MICU1: variants seen among roughly 807,000 people sequenced by gnomAD.
The protein encoded by MICU1 is mitochondrial calcium uptake 1.
Under a neutral mutation model 56.8 loss-of-function variants are expected in MICU1, and 45 were observed. The ratio of observed to expected loss-of-function variants is 0.79; its 90% CI spans 0.62 to 1.02. The LOEUF is 1.02. MICU1 is among the 50% of genes least tolerant of loss of function. MICU1 has a pLI of 0.00. For missense variants in MICU1, 504 were observed against 587.1 expected, an observed-to-expected ratio of 0.86 and a Z score of 1.46; for synonymous variants, 186 against 195.1, an observed-to-expected ratio of 0.95 and a Z score of 0.39.
chr10:72,572,022 A>C (rs536727518), intron 1 of MICU1, among the ~76,000 whole-genome samples: 13 of 152,180 alleles, frequency 8.5e-5, no homozygotes, highest in East Asian at 1.9e-4. Flanking sequence ...TAAAAAAAAA[A>C]AAACAAACAC....
At chr10:72,614,838 G>A (rs1392587006) in intron 1 of MICU1, among the ~76,000 whole-genome samples, 1 of 152,182 alleles carries the variant, frequency 6.6e-6, no homozygotes, top group African/African-American at 2.4e-5. Flanking sequence ...ATGAATGCTA[G>A]TGATGGTTGT....
At chr10:72,578,513 C>A (rs1840811660) in intron 1 of MICU1, among the ~76,000 whole-genome samples, 1 of 150,950 alleles carries the variant, frequency 6.6e-6, no homozygotes, top group Admixed American at 6.6e-5. Flanking sequence ...GATCTGCCTG[C>A]CTCAGCTTCC....
Position 72,423,263 on chromosome 10 carries a change from G to A in MICU1, c.1042C>T (p.Gln348Ter), listed in dbSNP as rs1135401814. The A allele has an allele frequency of 1.2e-6, 2 of 1,613,852 alleles. No individual in the cohort carries two copies. Among genetic ancestry groups the A allele is most frequent in the Non-Finnish European group, 1.7e-6 (2 of 1,179,830 alleles). The change falls in exon 9 of 12, where the codon CAG becomes TAG. Residue 348 changes from glutamine to a stop codon, truncating the protein, a stop_gained. Transcript: ENST00000361114. LOFTEE classifies it high-confidence loss of function. ...CCTTCTTTGAAGTGCTTCTTGAGCT[G>A]CCTCTGCATGGCGGTCAGCTTCTTG... ...QSKKLTAMQR[Q>*]LKKHFKEGKG...
At chr10:72,504,962 C>CATTATT (rs147881283) in intron 6 of MICU1, among the ~76,000 whole-genome samples, 60 of 149,968 alleles carry the variant, frequency 4.0e-4, no homozygotes, top group African/African-American at 1.3e-3. Context: ...CTATTATTAT[C>CATTATT]ATTATTATTA....
At chr10:72,508,881 T>C (rs1280383238) in intron 5 of MICU1, among the ~76,000 whole-genome samples, 2 of 152,204 alleles carry the variant, frequency 1.3e-5, no homozygotes, top group African/African-American at 2.4e-5. Flanking sequence ...TTTAATCATA[T>C]CTACTGTTAC....
chr10:72,389,822 A>C (rs1187070715), intron 10 of MICU1, among the ~76,000 whole-genome samples: 1 of 152,158 alleles, frequency 6.6e-6, no homozygotes, highest in African/African-American at 2.4e-5. Context: ...ATAATTTCTA[A>C]CTTTTTCATC....
rs557269580 is a variant in MICU1 at position 72,625,655 on chromosome 10, C to T, written c.-2+355G>A. Among the ~76,000 whole-genome samples, 4 of 152,336 alleles carry T rather than the reference C, an allele frequency of 2.6e-5. No individual in the cohort carries two copies. In the South Asian group the frequency reaches 8.3e-4, roughly 32 times the overall value. The stretch of plus-strand genomic sequence containing the variant: ...CCACTTCTAACCACATCCACAAATT[C>T]CAGGAGAGCCAGTCAAGGCTACCAG... On this transcript the variant is annotated intron_variant, in intron 1 of 11. Coordinates refer to ENST00000361114, the MANE Select transcript of MICU1 (RefSeq NM_001195518.2).
At chr10:72,508,034 CTTATAATTCA>C (rs1339059380) in intron 6 of MICU1, 111 bp downstream of exon 6, 6 of 500,624 alleles carry the variant, frequency 1.2e-5, no homozygotes, top group African/African-American at 7.9e-5. Context: ...TTTTATGTAA[CTTATAATTCA>C]TTATAATTCA....
At chr10:72,565,126 C>CAA (rs869255991) in intron 2 of MICU1, among the ~76,000 whole-genome samples, 22 of 98,070 alleles carry the variant, frequency 2.2e-4, no homozygotes, top group African/African-American at 5.9e-4. Context: ...ACTAAAAATA[C>CAA]AAAAAAAAAA....
At chr10:72,561,743 G>A (rs187878851) in intron 3 of MICU1, among the ~76,000 whole-genome samples, 13 of 152,178 alleles carry the variant, frequency 8.5e-5, no homozygotes, top group African/African-American at 2.9e-4. Flanking sequence ...CCCAGGAAGC[G>A]GAGGTTACAG....
intron 1 of MICU1, among the ~76,000 whole-genome samples, chr10:72,578,791 G>C (rs1465070482): frequency 6.6e-6 from 1 of 152,048 alleles, no homozygotes; most frequent in African/African-American, 2.4e-5. Flanking sequence ...CATTTTTAGT[G>C]GGACGGGGTT....
chr10:72,534,414 G>C (rs1421092276), intron 4 of MICU1, among the ~76,000 whole-genome samples: 2 of 152,102 alleles, frequency 1.3e-5, no homozygotes, highest in Non-Finnish European at 2.9e-5. Flanking sequence ...ATTTAGAACA[G>C]TGCTTGATCA....
At chr10:72,469,633 G>T (rs562224200) in intron 8 of MICU1, among the ~76,000 whole-genome samples, 3 of 152,166 alleles carry the variant, frequency 2.0e-5, no homozygotes, top group African/African-American at 7.2e-5. Context: ...ATACTAGGTG[G>T]CAGTGGGTAT....
At chr10:72,543,363 G>T in intron 4 of MICU1, among the ~76,000 whole-genome samples, 1 of 152,008 alleles carries the variant, frequency 6.6e-6, no homozygotes, top group East Asian at 1.9e-4. Context: ...TGCTCTAAGG[G>T]GCCAGGCATG....
At chr10:72,485,553 T>TA (rs1297196197) in intron 6 of MICU1, among the ~76,000 whole-genome samples, 77 of 140,484 alleles carry the variant, frequency 5.5e-4, no homozygotes, top group East Asian at 8.1e-4. Flanking sequence ...CGTTTCCAGT[T>TA]AAAAAAAAAA....
chr10:72,540,153 G>A (rs1173584875), intron 4 of MICU1, among the ~76,000 whole-genome samples: 1 of 151,730 alleles, frequency 6.6e-6, no homozygotes, highest in Non-Finnish European at 1.5e-5. Context: ...TGTAATCCCA[G>A]CTACTTGGGA....
At chr10:72,445,029 C>T (rs911130709) in intron 8 of MICU1, among the ~76,000 whole-genome samples, 2 of 152,150 alleles carry the variant, frequency 1.3e-5, no homozygotes, top group African/African-American at 4.8e-5. Flanking sequence ...AGGCTGTGGG[C>T]TCTGCTACAA....
At chr10:72,465,466 C>A (rs1324899632) in intron 8 of MICU1, among the ~76,000 whole-genome samples, 3 of 149,644 alleles carry the variant, frequency 2.0e-5, no homozygotes, top group African/African-American at 7.4e-5. Context: ...AGTACTGAAC[C>A]CATTTGCCGT....
chr10:72,550,804 A>G (rs1048747071), intron 4 of MICU1, among the ~76,000 whole-genome samples: 3 of 152,096 alleles, frequency 2.0e-5, no homozygotes, highest in East Asian at 3.8e-4. Context: ...CTTTGTGATT[A>G]TATATTTGAT....
Sources: allele counts gnomAD v4.1 joint callset (sites outside exome capture counted in the v4.1 genomes callset), GRCh38; gene constraint gnomAD v4.1.1; transcripts MANE v1.5; gene names NCBI Gene and HGNC (gene_info 2026-07-23, HGNC 2026-07-21).